Variants in HAP1 observed in about 807,000 individuals in gnomAD.
HAP1 encodes the protein huntingtin-associated protein 1.
A neutral mutation model predicts 60.3 loss-of-function variants in HAP1; 59 were observed. That is an observed-to-expected ratio of 0.98 (90% CI 0.79 to 1.22). HAP1 has a LOEUF of 1.22. HAP1 is among the 50% of genes most tolerant of loss of function. The pLI, the probability that HAP1 is intolerant of heterozygous loss-of-function variation, is 0.00. For missense variants in HAP1, 825 were observed against 785.3 expected (o/e 1.05, Z -0.60); for synonymous variants, 346 against 330.6 (o/e 1.05, Z -0.50).
intron 4 of HAP1, 60 bp from the exon 5 acceptor site, chr17:41,731,803 C>CTGGTGGGCTGGG: frequency 7.8e-7 from 1 of 1,274,690 alleles, no homozygotes; most frequent in Non-Finnish European, 1.1e-6. Context: ...GTTCCCAGCC[C>CTGGTGGGCTGGG]ACCAGGGCTA....
At chr17:41,717,966 C>G, downstream of HAP1, 1 of 469,224 alleles carries the variant, frequency 2.1e-6, no homozygotes, top group Non-Finnish European at 4.4e-6. Context: ...TACCCGCCAC[C>G]TGAGGGCTGT....
rs1912585815 is a variant in HAP1 at position 41,734,614 on chromosome 17, GC to G, written c.20del (p.Gly7AlafsTer44). On this transcript the variant is annotated frameshift_variant, in exon 1 of 11. Coordinates refer to ENST00000347901, the MANE Select transcript of HAP1 (RefSeq NM_177977.3). LOFTEE classifies it high-confidence loss of function. ...CGAGCCGGCTCCCCGCGCAGCACCGGCCCAACCTCTTCGGGCGCATCTCGAG... is the reference window on the plus strand; with the variant it reads ...CGAGCCGGCTCCCCGCGCAGCACCGGCCAACCTCTTCGGGCGCATCTCGAG... Reference protein sequence around the residue: MRPKRLGRCCAGSRLGP... With the variant: MRPKRLXRCCAGSRLGP... 2 of 1,550,712 alleles carry G rather than the reference GC, an allele frequency of 1.3e-6. No individual in the cohort carries two copies. The highest frequency in any genetic ancestry group is 2.3e-5 in the South Asian group (2 of 85,992).
downstream of HAP1, chr17:41,717,946 T>C (rs1318820976): frequency 4.3e-6 from 2 of 466,842 alleles, no homozygotes; most frequent in South Asian, 3.1e-5. Flanking sequence ...TTGACACCAT[T>C]ACCTTGAGCT....
chr17:41,728,397 C>T (rs1288922297), intron 6 of HAP1, 66 bp from the exon 7 acceptor site: 8 of 1,495,474 alleles, frequency 5.3e-6, no homozygotes, highest in Non-Finnish European at 7.3e-6. Context: ...TCTGGCCCTC[C>T]CAGATGCCTC....
At position 41,728,313 on chromosome 17, in the gene HAP1, A is replaced by G. The variant is rs782461457; in HGVS notation, c.1088T>C (p.Met363Thr). The change falls in exon 7 of 11, where the codon ATG (methionine) becomes ACG (threonine). Residue 363 changes from methionine (M) to threonine (T), a missense_variant. Physicochemically the swap from Met to Thr is moderately conservative, Grantham distance 81. Transcript: ENST00000347901. ...CACCAGCACCTCCGACAGCTCAGCC[A>G]TCTGTTGGCTGGCCTCCGCTGGGGA... ...VEQFSEASQQMAELSEVLVLR... is the reference protein window; with the variant it reads ...VEQFSEASQQTAELSEVLVLR... 2 of 1,613,560 alleles carry G rather than the reference A, an allele frequency of 1.2e-6. No homozygotes were observed. The highest frequency in any genetic ancestry group is 1.1e-5 in the South Asian group (1 of 91,082).
rs1446933451 is a variant in HAP1 at position 41,723,756 on chromosome 17, C to G, written c.*945G>C. The stretch of plus-strand genomic sequence containing the variant: ...CTGCTGAAGCCAGTGCTATTCCACC[C>G]GGCAGTGACCAAAGGGCCATGAGAA... On this transcript the variant is annotated 3_prime_UTR_variant, in exon 11 of 11. Coordinates refer to ENST00000347901, the MANE Select transcript of HAP1 (RefSeq NM_177977.3). 1.3e-5 allele frequency: 2 copies of G among 152,426 alleles called. No homozygotes were observed. Among genetic ancestry groups the G allele is most frequent in the Non-Finnish European group, 2.9e-5 (2 of 68,202 alleles). The allele number at this position is 152,426 out of a possible 1,614,324, so 9.4% of individuals were successfully genotyped here.
At chr17:41,717,978 G>C, downstream of HAP1, 1 of 469,864 alleles carries the variant, frequency 2.1e-6, no homozygotes, top group Non-Finnish European at 4.4e-6. Flanking sequence ...GAGGGCTGTA[G>C]AGGAGGGAAA....
intron 1 of HAP1, 24 bp downstream of exon 1, chr17:41,734,142 C>A: frequency 6.5e-7 from 1 of 1,548,364 alleles, no homozygotes; most frequent in Non-Finnish European, 8.8e-7. Flanking sequence ...CCACCCGGTC[C>A]AGGACCCCGG....
intron 2 of HAP1, 161 bp from the exon 3 acceptor site, chr17:41,732,555 G>T: frequency 2.0e-6 from 2 of 985,584 alleles, no homozygotes; most frequent in Non-Finnish European, 3.1e-6. Flanking sequence ...GATTGGCTCT[G>T]AGAGCTCTTC....
rs1191595659 is a variant in HAP1, at chr17:41,724,951, G to T, written c.1610C>A (p.Thr537Asn). The change falls in exon 11 of 11, where the codon ACC becomes AAC. Residue 537 changes from threonine to asparagine, a missense_variant. Physicochemically the swap from Thr to Asn is moderately conservative, Grantham distance 65. Transcript: ENST00000347901. ...CAGTTCCACCTCCTCCCAGCCCTCG[G>T]TCTCCTCTGACACCAGCTCTGCCTC... ...MEEAELVSEETEGWEEVELEL... is the reference protein window; with the variant it reads ...MEEAELVSEENEGWEEVELEL... The T allele has an allele frequency of 1.4e-5, 22 of 1,612,668 alleles. No homozygotes were observed. Among genetic ancestry groups the T allele is most frequent in the Non-Finnish European group, 1.9e-5 (22 of 1,179,958 alleles).
chr17:41,724,665 A>G lies in HAP1; in HGVS notation c.*36T>C, dbSNP rs1555588073. The G allele has an allele frequency of 4.1e-6, 6 of 1,475,358 alleles. No individual in the cohort carries two copies. Among genetic ancestry groups the G allele is most frequent in the Non-Finnish European group, 5.6e-6 (6 of 1,073,214 alleles). 91.4% of individuals were successfully genotyped at this position (1,475,358 alleles called of 1,614,324 possible). On this transcript the variant is annotated 3_prime_UTR_variant, in exon 11 of 11. Transcript: ENST00000347901. The stretch of plus-strand genomic sequence containing the variant: ...ACAGCAGGTAGAGCCAGGCTGGGGC[A>G]GGTGAGCACTCGGGGAGCTTATCCA...
chr17:41,726,250 C>T (rs768853719), intron 9 of HAP1, among the ~76,000 whole-genome samples: 3 of 151,986 alleles, frequency 2.0e-5, no homozygotes, highest in East Asian at 1.9e-4. Flanking sequence ...CCCATCTCTA[C>T]TAAAAATACA....
At chr17:41,734,071 T>C (rs1267493529) in intron 1 of HAP1, 95 bp downstream of exon 1, 1 of 980,046 alleles carries the variant, frequency 1.0e-6, no homozygotes, top group Non-Finnish European at 1.5e-6. Context: ...CACTGAGTGC[T>C]AGAGGGGGCG....
In HAP1 at chr17:41,725,172, A is replaced by G; in HGVS notation, c.1407-18T>C. 1 of 1,550,758 alleles carries G rather than the reference A, an allele frequency of 6.4e-7. No individual in the cohort carries two copies. The highest frequency in any genetic ancestry group is 8.7e-7 in the Non-Finnish European group (1 of 1,147,500). On this transcript the variant is annotated intron_variant, in intron 10 of 10. Transcript: ENST00000347901. Reference sequence around the variant, plus strand: ...AATCATACCTGGGCGGGAGATAGCGACATCTTTTGAGGGGCTGGAAAGTCC... The same window carrying G: ...AATCATACCTGGGCGGGAGATAGCGGCATCTTTTGAGGGGCTGGAAAGTCC...
Position 41,724,676 on chromosome 17 carries a change from C to T in HAP1, c.*25G>A, listed in dbSNP as rs376429973. ...AGCCAGGCTGGGGCAGGTGAGCACT[C>T]GGGGAGCTTATCCACCCTCTCTTTT... On this transcript the variant is annotated 3_prime_UTR_variant, in exon 11 of 11. Coordinates refer to ENST00000347901, the MANE Select transcript of HAP1 (RefSeq NM_177977.3). The T allele has an allele frequency of 3.2e-6, 5 of 1,552,652 alleles. No individual in the cohort carries two copies. The highest frequency in any genetic ancestry group is 2.3e-5 in the East Asian group (1 of 44,186).
At chr17:41,726,690 G>C (rs552885266) in intron 9 of HAP1, among the ~76,000 whole-genome samples, 2 of 151,502 alleles carry the variant, frequency 1.3e-5, no homozygotes, top group South Asian at 4.2e-4. Context: ...GGGTGAAACT[G>C]TGTCTCTACT....
Position 41,734,488 on chromosome 17 carries a change from T to A in HAP1, c.147A>T (p.Arg49Ser), listed in dbSNP as rs782711053. 1.2e-6 allele frequency: 2 copies of A among 1,611,936 alleles called. No homozygotes were observed. Among genetic ancestry groups the A allele is most frequent in the South Asian group, 1.1e-5 (1 of 90,988 alleles). Reference protein sequence around the residue: ...AQPQARGTGQRVGSRATSGSQ... With the variant: ...AQPQARGTGQSVGSRATSGSQ... ...ATCCAGAGGTGGCTCGGGATCCTAC[T>A]CTCTGTCCAGTGCCCCGTGCCTGCG... The change falls in exon 1 of 11, where the codon AGA (arginine) becomes AGT (serine). Residue 49 changes from arginine (R) to serine (S), a missense_variant. By Grantham distance (110) the Arg-to-Ser change is moderately radical. Transcript: ENST00000347901.
intron 1 of HAP1, 111 bp downstream of exon 1, chr17:41,734,055 G>C: frequency 1.3e-6 from 1 of 788,054 alleles, no homozygotes; most frequent in South Asian, 1.9e-5. Flanking sequence ...GGTGGTGGAC[G>C]GGTGACACTG....
chr17:41,734,449 C>G lies in HAP1; in HGVS notation c.186G>C (p.Ser62=), dbSNP rs377609313. ...SRATSGSQFL[S]EARTGARPAS... is the part of the protein sequence containing the mutation. ...CCGGGCGAGCTCCGGTGCGGGCTTC[C>G]GAGAGGAACTGGGATCCAGAGGTGG... Residue 62 remains serine (S), a synonymous_variant, in exon 1 of 11, where the codon TCG becomes TCC. Coordinates refer to ENST00000347901, the MANE Select transcript of HAP1 (RefSeq NM_177977.3). 2 of 1,608,588 alleles carry G rather than the reference C, an allele frequency of 1.2e-6. No individual in the cohort carries two copies. The highest frequency in any genetic ancestry group is 2.2e-5 in the East Asian group (1 of 44,738).
Sources: gnomAD v4.1 joint callset for allele counts (sites outside exome capture counted in the v4.1 genomes callset) on GRCh38, gnomAD v4.1.1 for gene constraint, MANE v1.5 for transcripts, NCBI Gene and HGNC (gene_info 2026-07-23, HGNC 2026-07-21) for gene names.